Variants in ZER1 observed in about 807,000 individuals in gnomAD.
The protein encoded by ZER1 is protein zer-1 homolog.
In ZER1, 11 loss-of-function variants were observed where a neutral mutation model predicts 78.8. The ratio of observed to expected loss-of-function variants is 0.14; its 90% confidence interval spans 0.09 to 0.23. ZER1 has a LOEUF of 0.23. ZER1 is among the 10% of genes least tolerant of loss of function. ZER1 has a pLI of 1.00. For synonymous variants in ZER1, 400 were observed against 407.0 expected (o/e 0.98, Z 0.21); for missense variants, 588 against 996.9 (o/e 0.59, Z 5.52).
chr9:128,738,677 G>A (rs150223313), intron 13 of ZER1, among the ~76,000 whole-genome samples: 3,155 of 151,140 alleles, frequency 0.021, 118 homozygotes, highest in African/African-American at 0.073. Context: ...GAGCCACCGC[G>A]CCTGACCTTC....
At chr9:128,749,306 G>A (rs953986578) in intron 8 of ZER1, among the ~76,000 whole-genome samples, 5 of 151,556 alleles carry the variant, frequency 3.3e-5, no homozygotes, top group East Asian at 2.0e-4. Context: ...CAGCCTGGGC[G>A]ACAGAGTAAG....
intron 13 of ZER1, among the ~76,000 whole-genome samples, chr9:128,735,819 C>T (rs141395839): frequency 0.026 from 3,234 of 124,834 alleles, 136 homozygotes; most frequent in African/African-American, 0.092. Flanking sequence ...GCTCTGTTGC[C>T]CAGGCTGGGG....
intron 8 of ZER1, among the ~76,000 whole-genome samples, chr9:128,744,969 T>C (rs1245097803): frequency 6.6e-6 from 1 of 152,156 alleles, no homozygotes; most frequent in African/African-American, 2.4e-5. Context: ...GTATTATACC[T>C]GCATCCTGGT....
rs1239760799 is a variant in ZER1 at position 128,753,788 on chromosome 9, C to T, written c.309+21G>A. ...CTGCTTGGTGTGGGCCCTCCTGGCG[C>T]TGTGGCGGGGCAGGTCTCACCTGCT... On this transcript the variant is annotated intron_variant, in intron 3 of 15. Coordinates refer to ENST00000291900, the MANE Select transcript of ZER1 (RefSeq NM_006336.4). The surrounding 1 kb of genome is among the most constrained non-coding windows in gnomAD (Gnocchi z 7.5). 1.9e-6 allele frequency: 3 copies of T among 1,589,742 alleles called. No homozygotes were observed. The highest frequency in any genetic ancestry group is 2.6e-6 in the Non-Finnish European group (3 of 1,167,288).
At chr9:128,766,388 A>G (rs1589549443) in intron 1 of ZER1, among the ~76,000 whole-genome samples, 1 of 151,332 alleles carries the variant, frequency 6.6e-6, no homozygotes, top group South Asian at 2.1e-4. Context: ...AGTATTTTAT[A>G]TGTGTTAATT....
chr9:128,741,404 C>G, intron 11 of ZER1, 131 bp downstream of exon 11: 3 of 1,386,898 alleles, frequency 2.2e-6, no homozygotes, highest in Non-Finnish European at 3.0e-6. Context: ...GGGCCTGAGT[C>G]TGTCCCCACT....
intron 9 of ZER1, 83 bp from the exon 10 acceptor site, chr9:128,741,924 A>G: frequency 6.4e-7 from 1 of 1,567,720 alleles, no homozygotes; most frequent in Non-Finnish European, 8.8e-7. Context: ...GGGGAGGCTC[A>G]GCAACGCCAT....
chr9:128,741,287 CG>C (rs1339448757), intron 11 of ZER1, among the ~76,000 whole-genome samples: 3 of 152,182 alleles, frequency 2.0e-5, no homozygotes, highest in Admixed American at 6.6e-5. Flanking sequence ...CTGAGAACAA[CG>C]GCCGAGGAGA....
intron 1 of ZER1, among the ~76,000 whole-genome samples, chr9:128,761,414 G>A (rs1282706500): frequency 6.6e-6 from 1 of 151,534 alleles, no homozygotes; most frequent in East Asian, 2.0e-4. Context: ...AGCTTCCTGA[G>A]TACCTGGGAC....
In ZER1 at chr9:128,741,783, G is replaced by T. The variant is rs200524663; in HGVS notation, c.1617+17C>A. The T allele has an allele frequency of 1.9e-6, 3 of 1,614,172 alleles. No individual in the cohort carries two copies. The African/African-American group carries it at 4.0e-5, about 22-fold the overall frequency. Reference sequence around the variant, plus strand: ...GGTGGGGAAAGGGTAGCGTGGCTTCGTGAAGACTTGACTTACTGTCTTGTC... The same window carrying T: ...GGTGGGGAAAGGGTAGCGTGGCTTCTTGAAGACTTGACTTACTGTCTTGTC... On this transcript the variant is annotated intron_variant, in intron 10 of 15. Coordinates refer to ENST00000291900, the MANE Select transcript of ZER1 (RefSeq NM_006336.4).
chr9:128,750,128 A>C lies in ZER1; in HGVS notation c.1359+488T>G, dbSNP rs7047232. ...TTGAAGTAAAAATCCACCATATACA[A>C]ACAGTATGCAGTTTGTGTATCCCAT... On this transcript the variant is annotated intron_variant, in intron 8 of 15. Coordinates refer to ENST00000291900, the MANE Select transcript of ZER1 (RefSeq NM_006336.4). 9.5e-3 allele frequency among the ~76,000 whole-genome samples: 1,443 copies of C among 152,324 alleles called. 21 individuals are homozygous for C. Among genetic ancestry groups the C allele is most frequent in the African/African-American group, 0.028 (1,177 of 41,564 alleles).
chr9:128,757,086 A>C (rs1863882561), intron 1 of ZER1, among the ~76,000 whole-genome samples: 1 of 152,232 alleles, frequency 6.6e-6, no homozygotes, highest in African/African-American at 2.4e-5. Context: ...ATAGATATAA[A>C]TGTGAAAGTT....
chr9:128,734,144 A>AAAAAAATATATATAT, intron 14 of ZER1, among the ~76,000 whole-genome samples: 1 of 14,456 alleles, frequency 6.9e-5, no homozygotes, highest in African/African-American at 1.9e-4. Flanking sequence ...AAAAAAAAAA[A>AAAAAAATATATATAT]ATATATATAT....
Position 128,751,008 on chromosome 9 carries a change from G to T in ZER1, c.1185+114C>A. The T allele has an allele frequency of 1.4e-6, 2 of 1,456,542 alleles. No homozygotes were observed. The highest frequency in any genetic ancestry group is 1.8e-6 in the Non-Finnish European group (2 of 1,100,258). The allele number at this position is 1,456,542 out of a possible 1,614,324, so 90.2% of individuals were successfully genotyped here. A position where few individuals can be genotyped will look rare whatever the true frequency, so the allele number is the denominator to read the frequency against. On this transcript the variant is annotated intron_variant, in intron 7 of 15. Transcript: ENST00000291900. This position sits in a 1 kb window ranked among gnomAD's most constrained non-coding sequence, Gnocchi z 5.4. The stretch of plus-strand genomic sequence containing the variant: ...GCCCAGGCTGGGGTTCGGGTCCTGG[G>T]GCCCTGGGGACAGGGTGCAGAAGGA...
At chr9:128,764,150 C>T (rs1864134313) in intron 1 of ZER1, among the ~76,000 whole-genome samples, 1 of 152,124 alleles carries the variant, frequency 6.6e-6, no homozygotes, top group African/African-American at 2.4e-5. Flanking sequence ...GGCCCAGGTC[C>T]ATGACTATTT....
In ZER1 at chr9:128,741,419, T is replaced by G. The variant is rs916058054; in HGVS notation, c.1737+116A>C. 5.4e-6 allele frequency: 8 copies of G among 1,494,080 alleles called. No homozygotes were observed. The African/African-American group carries it at 1.1e-4, about 21-fold the overall frequency. The allele number at this position is 1,494,080 out of a possible 1,614,324, so 92.6% of individuals were successfully genotyped here. On this transcript the variant is annotated intron_variant, in intron 11 of 15. Coordinates refer to ENST00000291900, the MANE Select transcript of ZER1 (RefSeq NM_006336.4). ...GGGCCTGAGTCTGTCCCCACTGCCC[T>G]TCTCCAGGAAGCATGGGTGAGGGGT...
intron 1 of ZER1, among the ~76,000 whole-genome samples, chr9:128,757,404 C>T (rs548785506): frequency 2.6e-5 from 4 of 152,078 alleles, no homozygotes; most frequent in Admixed American, 6.6e-5. Flanking sequence ...TGCCTGTAGT[C>T]CCAGCTACTT....
At chr9:128,762,619 C>A (rs1429144753) in intron 1 of ZER1, among the ~76,000 whole-genome samples, 1 of 152,228 alleles carries the variant, frequency 6.6e-6, no homozygotes, top group Non-Finnish European at 1.5e-5. Context: ...GGCATGTAGT[C>A]ATTGCTCAAT....
At chr9:128,764,665 C>T (rs907215412) in intron 1 of ZER1, among the ~76,000 whole-genome samples, 1 of 152,202 alleles carries the variant, frequency 6.6e-6, no homozygotes, top group Non-Finnish European at 1.5e-5. Flanking sequence ...CTACCATGCC[C>T]TGAGACCCAT....
Sources: gnomAD v4.1 joint callset for allele counts (sites outside exome capture counted in the v4.1 genomes callset) on GRCh38, gnomAD v4.1.1 for gene constraint, Gnocchi (gnomAD v3.1) non-coding constraint, MANE v1.5 for transcripts, NCBI Gene and HGNC (gene_info 2026-07-23, HGNC 2026-07-21) for gene names.